Variants in PARL observed in about 807,000 individuals in gnomAD.
The protein encoded by PARL is presenilin associated rhomboid like, also known as presenilin-associated rhomboid-like protein, mitochondrial.
PARL carries 44 observed loss-of-function variants against 51.6 expected under a neutral mutation model. That is an observed-to-expected ratio of 0.85 (90% CI 0.67 to 1.10). The LOEUF (loss-of-function observed/expected upper bound fraction) is 1.10. PARL is among the 50% of genes least tolerant of loss of function. The pLI is 0.00. For missense variants in PARL, 441 were observed against 469.5 expected (o/e 0.94, Z 0.56); for synonymous variants, 172 against 164.0 (o/e 1.05, Z -0.37).
intron 4 of PARL, among the ~76,000 whole-genome samples, chr3:183,851,837 C>G (rs6443911): frequency 0.47 from 71,497 of 151,918 alleles, 17,029 homozygotes; most frequent in Middle Eastern, 0.58. Flanking sequence ...AAACTATACC[C>G]ATTACGATGG....
chr3:183,871,279 CTCAAAGTAAGGTGGTACTATAT>C (rs1301947697), intron 1 of PARL, among the ~76,000 whole-genome samples: 13 of 151,868 alleles, frequency 8.6e-5, no homozygotes, highest in Non-Finnish European at 1.2e-4. Flanking sequence ...TGGTACTATA[CTCAAAGTAAGGTGGTACTATAT>C]TCAAAGTAAG....
chr3:183,867,880 T>A lies in PARL; in HGVS notation c.306A>T (p.Leu102Phe). 6.2e-7 allele frequency: 1 copy of A among 1,612,224 alleles called. No homozygotes were observed. Residue 102 changes from leucine to phenylalanine, a missense_variant, in exon 2 of 10, where the codon TTA becomes TTT. By Grantham distance (22) the Leu-to-Phe change is conservative (BLOSUM62 0). Coordinates refer to ENST00000317096, the MANE Select transcript of PARL (RefSeq NM_018622.7). ...GAGCTCTTACCCCAACAGTAAAAAATAAAGGTTTTATGAGACTCCTTATAG... is the reference window on the plus strand; with the variant it reads ...GAGCTCTTACCCCAACAGTAAAAAAAAAAGGTTTTATGAGACTCCTTATAG... ...PYPIRSLIKP[L>F]FFTVGFTGCA...
At chr3:183,879,714 AT>A (rs1219854422) in intron 1 of PARL, 2 of 978,696 alleles carry the variant, frequency 2.0e-6, no homozygotes, top group Middle Eastern at 5.2e-4. Flanking sequence ...TTCATTTTAA[AT>A]TTCCTTTTTT....
At chr3:183,880,419 A>G (rs1222443959) in intron 1 of PARL, among the ~76,000 whole-genome samples, 2 of 151,592 alleles carry the variant, frequency 1.3e-5, no homozygotes, top group Non-Finnish European at 1.5e-5. Context: ...TTCCGTTTTT[A>G]AGACACAGTT....
chr3:183,881,352 C>G (rs1577403867), intron 1 of PARL, among the ~76,000 whole-genome samples: 2 of 149,816 alleles, frequency 1.3e-5, no homozygotes, highest in South Asian at 2.1e-4. Flanking sequence ...GAACTCCTGA[C>G]CTCAGGTGAT....
At chr3:183,845,045 T>G (rs1407713746) in intron 4 of PARL, among the ~76,000 whole-genome samples, 1 of 152,170 alleles carries the variant, frequency 6.6e-6, no homozygotes, top group Non-Finnish European at 1.5e-5. Flanking sequence ...TTTTATGAAT[T>G]GCCACAACTC....
chr3:183,854,177 G>C (rs1454074403), intron 4 of PARL, among the ~76,000 whole-genome samples: 1 of 152,196 alleles, frequency 6.6e-6, no homozygotes, highest in Non-Finnish European at 1.5e-5. Flanking sequence ...GGGAGGTAGA[G>C]CTTGCAGTGA....
At chr3:183,847,831 T>G (rs1386323900) in intron 4 of PARL, among the ~76,000 whole-genome samples, 1 of 152,202 alleles carries the variant, frequency 6.6e-6, no homozygotes. Flanking sequence ...TACATGCACC[T>G]AGCATGCAAA....
At chr3:183,870,910 T>C (rs1206889031) in intron 1 of PARL, among the ~76,000 whole-genome samples, 2 of 152,168 alleles carry the variant, frequency 1.3e-5, no homozygotes, top group Non-Finnish European at 2.9e-5. Flanking sequence ...TCAGTTAATA[T>C]ATCTCCTCCT....
chr3:183,844,942 C>G (rs188313765), intron 4 of PARL, among the ~76,000 whole-genome samples: 4 of 152,046 alleles, frequency 2.6e-5, no homozygotes, highest in Admixed American at 1.3e-4. Flanking sequence ...GTTAGTACTA[C>G]GAAATTGAGG....
In PARL at chr3:183,842,212, T is replaced by C. The variant is rs1366123047; in HGVS notation, c.757+86A>G. 3.2e-6 allele frequency: 4 copies of C among 1,250,946 alleles called. No homozygotes were observed. In the South Asian group the frequency reaches 3.6e-5, roughly 11 times the overall value. The allele number at this position is 1,250,946 out of a possible 1,614,324, so 77.5% of individuals were successfully genotyped here. A position where few individuals can be genotyped will look rare whatever the true frequency, so the allele number is the denominator to read the frequency against. ...TTCTGAGCACTCACTACGTGTAGAA[T>C]ATGGCAGTAATCATTCCCTTTGTCC... On this transcript the variant is annotated intron_variant, in intron 6 of 9. Coordinates refer to ENST00000317096, the MANE Select transcript of PARL (RefSeq NM_018622.7).
intron 1 of PARL, among the ~76,000 whole-genome samples, chr3:183,878,383 T>C (rs530173703): frequency 1.3e-5 from 2 of 152,288 alleles, no homozygotes; most frequent in African/African-American, 4.8e-5. Flanking sequence ...AATAGGGAAG[T>C]TGACTCCAGC....
chr3:183,860,812 TAC>T (rs1190091547), intron 4 of PARL, among the ~76,000 whole-genome samples: 1 of 131,422 alleles, frequency 7.6e-6, no homozygotes, highest in African/African-American at 2.9e-5. Flanking sequence ...TTAATTTCGT[TAC>T]TTTTTTTTTT....
intron 1 of PARL, among the ~76,000 whole-genome samples, chr3:183,871,220 G>C (rs1036383100): frequency 3.9e-5 from 6 of 152,052 alleles, no homozygotes; most frequent in African/African-American, 1.4e-4. Flanking sequence ...GTACTATACT[G>C]AAAGTAAGGT....
intron 1 of PARL, among the ~76,000 whole-genome samples, chr3:183,869,838 T>C (rs1732968996): frequency 6.6e-6 from 1 of 152,134 alleles, no homozygotes; most frequent in South Asian, 2.1e-4. Flanking sequence ...AACTCTATAC[T>C]GAATAATGCT....
Position 183,829,572 on chromosome 3 carries a change from T to A in PARL, c.*26A>T, listed in dbSNP as rs1320306725. On this transcript the variant is annotated 3_prime_UTR_variant, in exon 10 of 10. Transcript: ENST00000317096. ...GGGCTCTCAGGCGGCAAGGACCAGA[T>A]GCACCACTACTGTCCAATCCCAGTT... is the stretch of plus-strand genomic sequence containing the variant. 6.2e-7 allele frequency: 1 copy of A among 1,614,104 alleles called. No individual in the cohort carries two copies. The highest frequency in any genetic ancestry group is 8.5e-7 in the Non-Finnish European group (1 of 1,180,046).
chr3:183,834,833 G>T (rs1356683345), intron 7 of PARL, among the ~76,000 whole-genome samples: 1 of 146,152 alleles, frequency 6.8e-6, no homozygotes, highest in Non-Finnish European at 1.5e-5. Context: ...CTGAGGTCAG[G>T]AGTTTGAGAC....
At chr3:183,833,365 C>T (rs565169540) in intron 9 of PARL, 127 bp downstream of exon 9, 2 of 727,210 alleles carry the variant, frequency 2.8e-6, no homozygotes, top group Admixed American at 2.0e-5. Context: ...CCCAAGCCCA[C>T]CTGCTTCTGC....
chr3:183,861,255 A>G (rs1448426628), intron 4 of PARL: 1 of 979,480 alleles, frequency 1.0e-6, no homozygotes, highest in East Asian at 1.1e-4. Flanking sequence ...TTATGGCAAC[A>G]CTGAAAAATC....
Sources: gnomAD v4.1 joint callset for allele counts (sites outside exome capture counted in the v4.1 genomes callset) on GRCh38, gnomAD v4.1.1 for gene constraint, MANE v1.5 for transcripts, NCBI Gene and HGNC (gene_info 2026-07-23, HGNC 2026-07-21) for gene names.